MSH3: variants seen among roughly 807,000 people sequenced by gnomAD.
MSH3 encodes mutS homolog 3.
In MSH3, 106 loss-of-function variants were observed where a neutral mutation model predicts 123.3. That is an observed-to-expected ratio of 0.86 (90% CI 0.73 to 1.01). The LOEUF (loss-of-function observed/expected upper bound fraction) is 1.01, where lower values mean the gene tolerates loss of function less well. Ranked by LOEUF, MSH3 falls within the 50% of genes least tolerant of loss-of-function variation. The pLI, the probability that MSH3 is intolerant of heterozygous loss-of-function variation, is 0.00. For synonymous variants in MSH3, 515 were observed against 481.4 expected, an observed-to-expected ratio of 1.07 and a Z score of -0.91; for missense variants, 1,459 against 1,347.6, an observed-to-expected ratio of 1.08 and a Z score of -1.29.
chr5:80,797,481 A>G (rs1410589213), intron 19 of MSH3, among the ~76,000 whole-genome samples: 2 of 152,194 alleles, frequency 1.3e-5, no homozygotes, highest in Non-Finnish European at 2.9e-5. Context: ...TCAGGATATT[A>G]TATGGGGATT....
intron 19 of MSH3, among the ~76,000 whole-genome samples, chr5:80,806,185 G>A (rs576316021): frequency 5.3e-5 from 8 of 152,198 alleles, no homozygotes; most frequent in Admixed American, 3.9e-4. Context: ...AGCAACCTCC[G>A]CCTCCCAGGT....
At chr5:80,875,313 A>G (rs1746288393) in intron 23 of MSH3, among the ~76,000 whole-genome samples, 1 of 151,280 alleles carries the variant, frequency 6.6e-6, no homozygotes. Context: ...GCTATTCTGC[A>G]GAAAAAAAAA....
At position 80,654,660 on chromosome 5, in the gene MSH3, G is replaced by C. The variant is rs777126509; in HGVS notation, c.-68G>C. 2 of 1,480,018 alleles carry C rather than the reference G, an allele frequency of 1.4e-6. No homozygotes were observed. Among genetic ancestry groups the C allele is most frequent in the Admixed American group, 1.9e-5 (1 of 51,394 alleles). 91.7% of individuals were successfully genotyped at this position (1,480,018 alleles called of 1,614,324 possible). A position where few individuals can be genotyped will look rare whatever the true frequency, so the allele number is the denominator to read the frequency against. On this transcript the variant is annotated 5_prime_UTR_variant, in exon 1 of 24. Coordinates refer to ENST00000265081, the MANE Select transcript of MSH3 (RefSeq NM_002439.5). ...GGCGTGCTCGCGCCCGCAGACGCCTGGGAACTGCGGCCGCGGGCTCGCGCT... is the reference window on the plus strand; with the variant it reads ...GGCGTGCTCGCGCCCGCAGACGCCTCGGAACTGCGGCCGCGGGCTCGCGCT...
chr5:80,722,036 GA>G (rs1019041915), intron 8 of MSH3, among the ~76,000 whole-genome samples: 27 of 151,742 alleles, frequency 1.8e-4, no homozygotes, highest in African/African-American at 5.3e-4. Flanking sequence ...TTTTTGTGAA[GA>G]AAAAAAATAT....
At chr5:80,784,007 C>T (rs957141336) in intron 17 of MSH3, among the ~76,000 whole-genome samples, 2 of 151,700 alleles carry the variant, frequency 1.3e-5, no homozygotes, top group Admixed American at 6.6e-5. Flanking sequence ...GCCAGGAATT[C>T]GAGACTAGCC....
At chr5:80,658,025 GC>G (rs1379018509) in intron 2 of MSH3, among the ~76,000 whole-genome samples, 46 of 98,670 alleles carry the variant, frequency 4.7e-4, no homozygotes, top group African/African-American at 2.3e-3. Context: ...TCCTAAGAAT[GC>G]TTTTTGCCCT....
intron 21 of MSH3, among the ~76,000 whole-genome samples, chr5:80,858,359 C>T (rs1237106941): frequency 6.6e-6 from 1 of 152,128 alleles, no homozygotes; most frequent in Non-Finnish European, 1.5e-5. Context: ...TATAAATTTT[C>T]TTCTATGCAC....
intron 16 of MSH3, among the ~76,000 whole-genome samples, chr5:80,776,520 C>CT (rs201709714): frequency 4.6e-5 from 7 of 150,906 alleles, no homozygotes; most frequent in Non-Finnish European, 1.0e-4. Flanking sequence ...TTCTTTACAT[C>CT]TTTTTTTTTG....
intron 12 of MSH3, among the ~76,000 whole-genome samples, chr5:80,761,282 C>A (rs1426897555): frequency 6.6e-6 from 1 of 152,160 alleles, no homozygotes. Flanking sequence ...CCAGGTTCCA[C>A]CCAGGAGGAG....
chr5:80,782,993 A>G (rs1744436685), intron 17 of MSH3, among the ~76,000 whole-genome samples: 1 of 152,198 alleles, frequency 6.6e-6, no homozygotes, highest in Non-Finnish European at 1.5e-5. Flanking sequence ...TTTGTTCTAG[A>G]AGATGGACTG....
intron 21 of MSH3, among the ~76,000 whole-genome samples, chr5:80,858,285 G>A (rs941681113): frequency 6.6e-6 from 1 of 152,174 alleles, no homozygotes; most frequent in East Asian, 1.9e-4. Flanking sequence ...TTGGACTCCA[G>A]TGATCCTCTT....
At chr5:80,741,813 TGTA>T (rs1472363505) in intron 11 of MSH3, among the ~76,000 whole-genome samples, 1 of 142,754 alleles carries the variant, frequency 7.0e-6, no homozygotes, top group South Asian at 2.2e-4. Flanking sequence ...TTCTATATCA[TGTA>T]GTTTTTTGGA....
intron 12 of MSH3, among the ~76,000 whole-genome samples, chr5:80,756,161 A>G (rs1323632234): frequency 6.6e-6 from 1 of 152,170 alleles, no homozygotes; most frequent in Non-Finnish European, 1.5e-5. Flanking sequence ...TCATGTAACC[A>G]AAAACCATTT....
chr5:80,769,099 A>T (rs760473699), intron 15 of MSH3, 96 bp downstream of exon 15: 3 of 1,119,486 alleles, frequency 2.7e-6, no homozygotes, highest in Non-Finnish European at 3.9e-6. Flanking sequence ...GATATGTATT[A>T]TCTTTTCAAA....
intron 17 of MSH3, among the ~76,000 whole-genome samples, chr5:80,781,011 A>G (rs1033652112): frequency 6.6e-6 from 1 of 152,224 alleles, no homozygotes; most frequent in Non-Finnish European, 1.5e-5. Flanking sequence ...GTAAGTTGGT[A>G]TCAGTCTTTT....
intron 8 of MSH3, among the ~76,000 whole-genome samples, chr5:80,703,240 C>T (rs1323351077): frequency 6.6e-6 from 1 of 152,040 alleles, no homozygotes; most frequent in Non-Finnish European, 1.5e-5. Flanking sequence ...TGATTAGTGC[C>T]CTTTTTAAGT....
intron 10 of MSH3, among the ~76,000 whole-genome samples, chr5:80,729,723 A>G (rs1166677219): frequency 6.6e-6 from 1 of 152,156 alleles, no homozygotes; most frequent in Admixed American, 6.6e-5. Flanking sequence ...TTGGAAATTT[A>G]AAAGCTCACA....
chr5:80,772,143 G>T (rs1416295377), intron 15 of MSH3, among the ~76,000 whole-genome samples: 3 of 151,940 alleles, frequency 2.0e-5, no homozygotes, highest in Non-Finnish European at 4.4e-5. Flanking sequence ...GTTTACATTG[G>T]GGGCAGTACT....
At chr5:80,863,540 G>A (rs1016989134) in intron 21 of MSH3, among the ~76,000 whole-genome samples, 26 of 152,020 alleles carry the variant, frequency 1.7e-4, no homozygotes, top group Admixed American at 1.1e-3. Context: ...GCGTGGTGGC[G>A]GGCACCTGTA....
Sources: allele counts gnomAD v4.1 joint callset (sites outside exome capture counted in the v4.1 genomes callset), GRCh38; gene constraint gnomAD v4.1.1; transcripts MANE v1.5; gene names NCBI Gene and HGNC (gene_info 2026-07-23, HGNC 2026-07-21).